The following ERBB4 variants were observed in gnomAD, a reference collection of about 807,000 sequenced individuals.
ERBB4 encodes the protein receptor tyrosine-protein kinase erbB-4.
ERBB4 carries 42 observed loss-of-function variants against 158.0 expected under a neutral mutation model. The observed-to-expected ratio is 0.27, with a 90% CI of 0.21 to 0.34. ERBB4 has a LOEUF of 0.34. Among genes scored for constraint, ERBB4 ranks in the 10% least tolerant of loss-of-function variants. The pLI is 1.00. For synonymous variants in ERBB4, 583 were observed against 558.7 expected (o/e 1.04, Z -0.61); for missense variants, 1,333 against 1,624.1 (o/e 0.82, Z 3.08).
intron 19 of ERBB4, among the ~76,000 whole-genome samples, chr2:211,581,765 A>T (rs371213000): frequency 2.0e-5 from 3 of 152,040 alleles, no homozygotes; most frequent in Admixed American, 6.6e-5. Flanking sequence ...TATTCCCAGC[A>T]CTTTGGGAGG....
intron 19 of ERBB4, among the ~76,000 whole-genome samples, chr2:211,590,771 C>T (rs954796872): frequency 1.3e-5 from 2 of 152,276 alleles, no homozygotes; most frequent in African/African-American, 2.4e-5. Flanking sequence ...CTTGGGAAAT[C>T]GGCTCTTTCT....
intron 2 of ERBB4, among the ~76,000 whole-genome samples, chr2:211,974,903 T>C (rs769023314): frequency 5.3e-5 from 8 of 152,206 alleles, no homozygotes; most frequent in Non-Finnish European, 4.4e-5. Context: ...GGATCCCTCA[T>C]AAGAAACTAA....
chr2:211,902,421 C>T (rs2079260543), intron 3 of ERBB4, among the ~76,000 whole-genome samples: 1 of 151,888 alleles, frequency 6.6e-6, no homozygotes, highest in African/African-American at 2.4e-5. Context: ...GTTCCTATTT[C>T]ACACCAACTA....
At chr2:211,493,636 C>T (rs2065400217) in intron 20 of ERBB4, among the ~76,000 whole-genome samples, 1 of 151,432 alleles carries the variant, frequency 6.6e-6, no homozygotes, top group African/African-American at 2.4e-5. Flanking sequence ...CAATTTAAGC[C>T]ACATAATCAT....
chr2:212,012,782 T>A (rs1291914710), intron 2 of ERBB4, among the ~76,000 whole-genome samples: 1 of 151,974 alleles, frequency 6.6e-6, no homozygotes, highest in African/African-American at 2.4e-5. Flanking sequence ...TCTTTCTATG[T>A]CCCTCAGCCT....
chr2:211,572,156 T>C (rs1194708134), intron 19 of ERBB4, among the ~76,000 whole-genome samples: 1 of 152,202 alleles, frequency 6.6e-6, no homozygotes, highest in Middle Eastern at 3.2e-3. Flanking sequence ...ACTGTAAAAA[T>C]ACCGCTTTTT....
At chr2:211,818,257 A>G (rs116302704) in intron 3 of ERBB4, among the ~76,000 whole-genome samples, 1,992 of 152,260 alleles carry the variant, frequency 0.013, 38 homozygotes, top group African/African-American at 0.045. Flanking sequence ...TTTAGGGGAC[A>G]CCATGCTGGA....
intron 19 of ERBB4, among the ~76,000 whole-genome samples, chr2:211,614,599 G>A (rs1420556839): frequency 6.6e-6 from 1 of 151,994 alleles, no homozygotes; most frequent in Non-Finnish European, 1.5e-5. Flanking sequence ...GTATGGAACA[G>A]GATATAGCTA....
chr2:211,554,769 C>T (rs899263415), intron 20 of ERBB4, among the ~76,000 whole-genome samples: 2 of 152,196 alleles, frequency 1.3e-5, no homozygotes, highest in African/African-American at 4.8e-5. Flanking sequence ...CTTTTGGTCA[C>T]TCCCAGACCA....
intron 1 of ERBB4, among the ~76,000 whole-genome samples, chr2:212,305,783 T>C (rs1045913956): frequency 3.3e-5 from 5 of 151,560 alleles, no homozygotes; most frequent in East Asian, 3.9e-4. Flanking sequence ...TACATAATTA[T>C]AGATCATGTT....
intron 3 of ERBB4, among the ~76,000 whole-genome samples, chr2:211,944,183 ATATATATATATATATACTAT>A (rs2080599855): frequency 1.2e-4 from 5 of 41,950 alleles, no homozygotes; most frequent in African/African-American, 4.9e-4. Flanking sequence ...TATACTATAT[ATATATATATATATATACTAT>A]ATATATATAT....
At chr2:212,334,254 T>C (rs1291555028) in intron 1 of ERBB4, among the ~76,000 whole-genome samples, 1 of 152,034 alleles carries the variant, frequency 6.6e-6, no homozygotes, top group Non-Finnish European at 1.5e-5. Flanking sequence ...CTTTAACTAC[T>C]GAATTCCTAC....
Position 212,323,967 on chromosome 2 carries a change from C to T in ERBB4, c.83-199064G>A, listed in dbSNP as rs2087695802. Among the ~76,000 whole-genome samples the T allele has an allele frequency of 1.3e-5, 2 of 150,574 alleles. 1 individual carries two copies. The highest frequency in any genetic ancestry group is 3.0e-5 in the Non-Finnish European group (2 of 67,210). ...CCACCACACCTCACGCCTTAGTTTGCTCTGCCTTCATCACTAAATCCTGAA... is the reference window on the plus strand; with the variant it reads ...CCACCACACCTCACGCCTTAGTTTGTTCTGCCTTCATCACTAAATCCTGAA... On this transcript the variant is annotated intron_variant, in intron 1 of 27. Transcript: ENST00000342788.
chr2:212,083,638 C>T (rs1181130458), intron 2 of ERBB4, among the ~76,000 whole-genome samples: 2 of 151,554 alleles, frequency 1.3e-5, no homozygotes, highest in East Asian at 1.9e-4. Context: ...ACCACCCCTC[C>T]CCCCCAAAAA....
chr2:212,320,906 T>A (rs1392466086), intron 1 of ERBB4, among the ~76,000 whole-genome samples: 1 of 150,260 alleles, frequency 6.7e-6, no homozygotes, highest in Non-Finnish European at 1.5e-5. Context: ...CAAAGTCTTG[T>A]TTGGTAAGAA....
At chr2:212,331,287 T>G (rs1200165411) in intron 1 of ERBB4, among the ~76,000 whole-genome samples, 3 of 151,160 alleles carry the variant, frequency 2.0e-5, no homozygotes, top group Non-Finnish European at 4.4e-5. Context: ...CTAGTATGAA[T>G]AATACTTTTG....
chr2:212,180,813 T>C (rs773647646), intron 1 of ERBB4, among the ~76,000 whole-genome samples: 2 of 151,664 alleles, frequency 1.3e-5, no homozygotes, highest in Non-Finnish European at 3.0e-5. Flanking sequence ...TAAGATTCTT[T>C]GATTACACTC....
chr2:212,042,049 T>C (rs1220401723), intron 2 of ERBB4, among the ~76,000 whole-genome samples: 1 of 152,038 alleles, frequency 6.6e-6, no homozygotes, highest in African/African-American at 2.4e-5. Context: ...TCTCCTTTTT[T>C]CCTTCGGTTT....
intron 16 of ERBB4, among the ~76,000 whole-genome samples, chr2:211,648,663 G>A (rs1398239182): frequency 5.3e-5 from 8 of 151,744 alleles, no homozygotes; most frequent in Admixed American, 1.3e-4. Context: ...ACTTTTTACC[G>A]AAACAACCAG....
Sources: allele counts gnomAD v4.1 joint callset (sites outside exome capture counted in the v4.1 genomes callset), GRCh38; gene constraint gnomAD v4.1.1; transcripts MANE v1.5; gene names NCBI Gene and HGNC (gene_info 2026-07-23, HGNC 2026-07-21).